USH2A: variants seen among roughly 807,000 people sequenced by gnomAD.
The protein encoded by USH2A is Usher syndrome 2A (autosomal recessive, mild).
A neutral mutation model predicts 538.9 loss-of-function variants in USH2A; 443 were observed. That is an observed-to-expected ratio of 0.82 (90% CI 0.76 to 0.89). The LOEUF is 0.89. Among genes scored for constraint, USH2A ranks in the 40% least tolerant of loss-of-function variants. The probability of loss-of-function intolerance (pLI) is 0.00; values close to 1 mark genes in which losing one functional copy is unlikely to be tolerated. For missense variants in USH2A, 6,633 were observed against 6,324.8 expected (o/e 1.05, Z -1.65); for synonymous variants, 2,413 against 2,273.5 (o/e 1.06, Z -1.75).
intron 3 of USH2A, among the ~76,000 whole-genome samples, chr1:216,376,426 A>G (rs1332686742): frequency 1.3e-5 from 2 of 152,102 alleles, no homozygotes; most frequent in Admixed American, 1.3e-4. Context: ...ACAAGAAGGA[A>G]TAAAATTTAA....
chr1:215,882,613 T>C (rs1057397977), intron 41 of USH2A, among the ~76,000 whole-genome samples: 1 of 152,202 alleles, frequency 6.6e-6, no homozygotes, highest in African/African-American at 2.4e-5. Context: ...AGTTTATTCT[T>C]CCATACTTTT....
Position 215,650,755 on chromosome 1 carries a change from C to G in USH2A, c.14180G>C (p.Trp4727Ser). Reference sequence around the variant, plus strand: ...TGGTGGGGCTGGCCCGGTTCTGCACCATGTCCAGCTACTGGGGGCTTTTCC... The same window carrying G: ...TGGTGGGGCTGGCCCGGTTCTGCACGATGTCCAGCTACTGGGGGCTTTTCC... ...SAGKAPSSWT[W>S]CRTGPAPPEG... is the part of the protein sequence containing the mutation. Residue 4727 changes from tryptophan to serine, a missense_variant, in exon 65 of 72, where the codon TGG becomes TCG. By Grantham distance (177) the Trp-to-Ser change is radical. Transcript: ENST00000307340. 1.2e-6 allele frequency: 2 copies of G among 1,613,464 alleles called. No homozygotes were observed. The highest frequency in any genetic ancestry group is 1.7e-6 in the Non-Finnish European group (2 of 1,179,930).
At position 215,640,574 on chromosome 1, in the gene USH2A, C is replaced by T. The variant is rs547831528; in HGVS notation, c.14952G>A (p.Pro4984=). 23 of 1,613,840 alleles carry T rather than the reference C, an allele frequency of 1.4e-5. No homozygotes were observed. The highest frequency in any genetic ancestry group is 1.7e-4 in the Middle Eastern group (1 of 6,038). The change falls in exon 68 of 72, where the codon CCG becomes CCA. Residue 4984 remains proline (P), a synonymous_variant. Coordinates refer to ENST00000307340, the MANE Select transcript of USH2A (RefSeq NM_206933.4). The part of the protein sequence containing the change: ...YSGLDTTLYI[P]RTADKTFFFQ... ...GAAACTAACTTTTGTCCGCCGTTCT[C>T]GGTATGTAGAGGGTGGTGTCCAAGC...
chr1:215,830,486 C>A (rs780701678), intron 47 of USH2A, among the ~76,000 whole-genome samples: 31 of 151,924 alleles, frequency 2.0e-4, no homozygotes, highest in Admixed American at 1.2e-3. Flanking sequence ...TACCTCATTG[C>A]CTAAGAACAA....
At chr1:216,324,757 T>A (rs866795785) in intron 6 of USH2A, among the ~76,000 whole-genome samples, 3 of 152,162 alleles carry the variant, frequency 2.0e-5, no homozygotes, top group Admixed American at 6.6e-5. Flanking sequence ...TCCTACATGT[T>A]GTCTTTTAGA....
At chr1:216,240,101 G>C (rs1328349436) in intron 13 of USH2A, among the ~76,000 whole-genome samples, 1 of 151,192 alleles carries the variant, frequency 6.6e-6, no homozygotes, top group African/African-American at 2.4e-5. Flanking sequence ...TTGCAGTGGA[G>C]AGCCCGACAA....
chr1:215,713,136 C>A (rs572943747), intron 61 of USH2A, among the ~76,000 whole-genome samples: 21 of 152,244 alleles, frequency 1.4e-4, no homozygotes, highest in African/African-American at 4.8e-4. Flanking sequence ...TTTTGAAATT[C>A]TGGACTAGTA....
intron 37 of USH2A, among the ~76,000 whole-genome samples, chr1:215,942,738 C>G (rs571548490): frequency 5.5e-4 from 84 of 152,178 alleles, no homozygotes; most frequent in African/African-American, 1.7e-3. Flanking sequence ...CTTAGTATAG[C>G]GCAGCTCCTA....
chr1:216,324,400 A>G, intron 6 of USH2A, 48 bp from the exon 7 acceptor site: 2 of 1,466,678 alleles, frequency 1.4e-6, no homozygotes, highest in Middle Eastern at 4.3e-4. Flanking sequence ...AAGTTTAACC[A>G]TCAGTATATA....
intron 60 of USH2A, among the ~76,000 whole-genome samples, chr1:215,736,572 C>A (rs1279860518): frequency 6.6e-6 from 1 of 151,710 alleles, no homozygotes; most frequent in African/African-American, 2.4e-5. Context: ...CATAAAAGTG[C>A]TGGAAGAAAT....
intron 42 of USH2A, among the ~76,000 whole-genome samples, 200 bp downstream of exon 42, chr1:215,878,564 T>C (rs1164415973): frequency 6.6e-6 from 1 of 152,212 alleles, no homozygotes; most frequent in Non-Finnish European, 1.5e-5. Context: ...GGGTTTTTAG[T>C]TCTTCAAATT....
chr1:215,639,174 A>G lies in USH2A; in HGVS notation c.15033T>C (p.Tyr5011=), dbSNP rs1271529498. 3 of 1,614,156 alleles carry G rather than the reference A, an allele frequency of 1.9e-6. No individual in the cohort carries two copies. The Admixed American group carries it at 5.0e-5, about 27-fold the overall frequency. Residue 5011 remains tyrosine (Y), a synonymous_variant, in exon 69 of 72, where the codon TAT becomes TAC. Transcript: ENST00000307340. ...GTTTACCAAGTCCAGTAGAGGTATC[A>G]TATTGGATCAACGGCGTCTTAACAC... The part of the protein sequence containing the change: ...EGSVKTPLIQ[Y]DTSTGLGLVL...
rs1387480017 is a variant in USH2A, at chr1:215,743,288, C to T, written c.11437G>A (p.Asp3813Asn). 6.2e-7 allele frequency: 1 copy of T among 1,609,192 alleles called. No individual in the cohort carries two copies. The highest frequency in any genetic ancestry group is 2.2e-5 in the East Asian group (1 of 44,548). ...AAGGCCAGAGGTGTTACACTTCCATCATTGAGTAAGACATTGTACTCCACA... is the reference window on the plus strand; with the variant it reads ...AAGGCCAGAGGTGTTACACTTCCATTATTGAGTAAGACATTGTACTCCACA... ...IPVEYNVLLNDGSVTPLAFSV... is the reference protein window; with the variant it reads ...IPVEYNVLLNNGSVTPLAFSV... Residue 3813 changes from aspartate (D) to asparagine (N), a missense_variant, in exon 59 of 72, where the codon GAT becomes AAT. By Grantham distance (23) the Asp-to-Asn change is conservative. Coordinates refer to ENST00000307340, the MANE Select transcript of USH2A (RefSeq NM_206933.4).
Position 215,888,960 on chromosome 1 carries a change from A to C in USH2A, c.7689T>G (p.Ile2563Met). The C allele has an allele frequency of 6.2e-7, 1 of 1,614,144 alleles. No homozygotes were observed. Among genetic ancestry groups the C allele is most frequent in the South Asian group, 1.1e-5 (1 of 91,076 alleles). ...CATGTAGATAAATGTTATAATGGGTAATAACCCCATTGGATTTTCTAGGAT... is the reference window on the plus strand; with the variant it reads ...CATGTAGATAAATGTTATAATGGGTCATAACCCCATTGGATTTTCTAGGAT... Reference protein sequence around the residue: ...WQHPRKSNGVITHYNIYLHGR... With the variant: ...WQHPRKSNGVMTHYNIYLHGR... Residue 2563 changes from isoleucine (I) to methionine (M), a missense_variant, in exon 41 of 72, where the codon ATT becomes ATG. Transcript: ENST00000307340.
chr1:216,317,833 A>C (rs2102645858), intron 9 of USH2A, among the ~76,000 whole-genome samples: 1 of 152,268 alleles, frequency 6.6e-6, no homozygotes, highest in South Asian at 2.1e-4. Context: ...AGCCTCGGTG[A>C]CAGAGTGAGA....
At chr1:215,817,380 G>A (rs1409462315) in intron 47 of USH2A, among the ~76,000 whole-genome samples, 185 bp from the exon 48 acceptor site, 1 of 151,768 alleles carries the variant, frequency 6.6e-6, no homozygotes, top group African/African-American at 2.4e-5. Context: ...ATAACACATG[G>A]CGTGAGGTGG....
chr1:216,248,554 A>G (rs868290554), intron 12 of USH2A, among the ~76,000 whole-genome samples: 2 of 152,048 alleles, frequency 1.3e-5, no homozygotes, highest in South Asian at 2.1e-4. Context: ...ATGTATATAT[A>G]TGGATAAAAA....
At chr1:215,672,008 A>G (rs915090012) in intron 63 of USH2A, among the ~76,000 whole-genome samples, 10 of 152,220 alleles carry the variant, frequency 6.6e-5, no homozygotes, top group East Asian at 3.9e-4. Context: ...CAGATTATCA[A>G]TCATGAAGAC....
chr1:215,981,568 A>T (rs1667753561), intron 35 of USH2A, among the ~76,000 whole-genome samples: 1 of 152,106 alleles, frequency 6.6e-6, no homozygotes, highest in Admixed American at 6.6e-5. Flanking sequence ...GAGGCTTAAC[A>T]GCTAGTTCAG....
Sources: allele counts gnomAD v4.1 joint callset (sites outside exome capture counted in the v4.1 genomes callset), GRCh38; gene constraint gnomAD v4.1.1; transcripts MANE v1.5; gene names NCBI Gene and HGNC (gene_info 2026-07-23, HGNC 2026-07-21).